GMDS: variants seen among roughly 807,000 people sequenced by gnomAD.
GMDS encodes the protein GDP-mannose 4,6-dehydratase.
In GMDS, 20 loss-of-function variants were observed where a neutral mutation model predicts 49.9. The observed-to-expected ratio is 0.40, with a 90% CI of 0.28 to 0.58. The LOEUF (loss-of-function observed/expected upper bound fraction) is 0.58, where lower values mean the gene tolerates loss of function less well. Ranked by LOEUF, GMDS falls within the 20% of genes least tolerant of loss-of-function variation. The pLI is 0.42. For missense variants in GMDS, 362 were observed against 481.4 expected (o/e 0.75, Z 2.32); for synonymous variants, 177 against 178.6 (o/e 0.99, Z 0.07).
chr6:1,785,384 A>C (rs555833518), intron 7 of GMDS, among the ~76,000 whole-genome samples: 5 of 152,338 alleles, frequency 3.3e-5, no homozygotes, highest in African/African-American at 1.2e-4. Flanking sequence ...TAAGACCACC[A>C]TTTCCTATGG....
intron 7 of GMDS, among the ~76,000 whole-genome samples, chr6:1,828,293 A>C (rs1771210263): frequency 6.6e-6 from 1 of 152,152 alleles, no homozygotes; most frequent in African/African-American, 2.4e-5. Context: ...GCGCCTAAGG[A>C]ACTCAAGGGA....
intron 4 of GMDS, among the ~76,000 whole-genome samples, chr6:2,074,179 G>A (rs1328044457): frequency 6.6e-6 from 1 of 152,114 alleles, no homozygotes; most frequent in Non-Finnish European, 1.5e-5. Context: ...GCCAACATCT[G>A]CTATTTTTTG....
At chr6:1,762,847 A>C (rs1346412258) in intron 7 of GMDS, among the ~76,000 whole-genome samples, 1 of 152,214 alleles carries the variant, frequency 6.6e-6, no homozygotes, top group Non-Finnish European at 1.5e-5. Context: ...TAAATGTGTT[A>C]CCCTAATTTC....
At chr6:2,178,633 C>CT (rs909923583) in intron 1 of GMDS, among the ~76,000 whole-genome samples, 6 of 152,132 alleles carry the variant, frequency 3.9e-5, no homozygotes, top group African/African-American at 1.4e-4. Context: ...TGCTCACTAC[C>CT]TGAGTGACAG....
intron 7 of GMDS, among the ~76,000 whole-genome samples, chr6:1,759,088 A>C (rs1768064528): frequency 6.6e-6 from 1 of 152,054 alleles, no homozygotes; most frequent in African/African-American, 2.4e-5. Flanking sequence ...ACGCCCGGCT[A>C]ATTTTTTCAT....
chr6:2,060,471 T>C (rs1771081222), intron 4 of GMDS, among the ~76,000 whole-genome samples: 1 of 152,198 alleles, frequency 6.6e-6, no homozygotes, highest in Non-Finnish European at 1.5e-5. Flanking sequence ...TCATGATGAC[T>C]GGGCACCTAC....
intron 8 of GMDS, among the ~76,000 whole-genome samples, chr6:1,736,006 A>T (rs1182815924): frequency 6.6e-6 from 1 of 152,182 alleles, no homozygotes; most frequent in Non-Finnish European, 1.5e-5. Flanking sequence ...CCAGCTGTTT[A>T]GGTACTTATG....
chr6:2,203,188 C>T (rs1308041125), intron 1 of GMDS, among the ~76,000 whole-genome samples: 1 of 151,946 alleles, frequency 6.6e-6, no homozygotes, highest in African/African-American at 2.4e-5. Flanking sequence ...TACTTTAGGC[C>T]ACTGGGGGGT....
intron 7 of GMDS, among the ~76,000 whole-genome samples, chr6:1,905,640 G>GAGC (rs1409300700): frequency 1.5e-3 from 114 of 76,532 alleles, no homozygotes; most frequent in African/African-American, 2.3e-3. Context: ...TCTGCATGTG[G>GAGC]GGCCAGCACA....
intron 1 of GMDS, among the ~76,000 whole-genome samples, chr6:2,231,752 C>T (rs1051253531): frequency 6.6e-6 from 1 of 152,174 alleles, no homozygotes; most frequent in African/African-American, 2.4e-5. Flanking sequence ...TGGTTTCCAA[C>T]ATTCAGTTCC....
chr6:1,916,495 G>C (rs1228970438), intron 7 of GMDS, among the ~76,000 whole-genome samples: 5 of 151,848 alleles, frequency 3.3e-5, no homozygotes, highest in Admixed American at 3.3e-4. Context: ...AGGGAAGAGG[G>C]AAAAAGAGAG....
At chr6:1,907,146 C>T (rs191102569) in intron 7 of GMDS, among the ~76,000 whole-genome samples, 62 of 152,328 alleles carry the variant, frequency 4.1e-4, no homozygotes, top group African/African-American at 1.3e-3. Context: ...TGTAATCTCT[C>T]TACCCATTTG....
intron 4 of GMDS, among the ~76,000 whole-genome samples, chr6:2,104,085 G>A (rs180872652): frequency 6.6e-4 from 100 of 152,324 alleles, no homozygotes; most frequent in Admixed American, 1.6e-3. Flanking sequence ...ACTCCACAGT[G>A]CCCGCAGGCA....
At chr6:1,803,460 C>A (rs889104323) in intron 7 of GMDS, among the ~76,000 whole-genome samples, 4 of 152,048 alleles carry the variant, frequency 2.6e-5, no homozygotes, top group African/African-American at 9.7e-5. Context: ...TTTCAGCGAG[C>A]AGCCCTTGAG....
chr6:2,168,272 T>A (rs1488794867), intron 1 of GMDS, among the ~76,000 whole-genome samples: 1 of 152,142 alleles, frequency 6.6e-6, no homozygotes, highest in East Asian at 1.9e-4. Context: ...CAGGGAAGGG[T>A]GAGCGTGAAG....
intron 9 of GMDS, among the ~76,000 whole-genome samples, chr6:1,723,269 A>G (rs1238576411): frequency 6.7e-6 from 1 of 150,110 alleles, no homozygotes; most frequent in Non-Finnish European, 1.5e-5. Flanking sequence ...TTGCTGTAGG[A>G]TATCAGTGTT....
intron 1 of GMDS, among the ~76,000 whole-genome samples, chr6:2,234,506 G>A (rs907922704): frequency 3.3e-5 from 5 of 152,120 alleles, no homozygotes; most frequent in South Asian, 2.1e-4. Flanking sequence ...CTACTCAGGA[G>A]GCTGAAGCAG....
At chr6:1,882,525 AATC>A (rs1488978096) in intron 7 of GMDS, among the ~76,000 whole-genome samples, 1 of 152,240 alleles carries the variant, frequency 6.6e-6, no homozygotes, top group East Asian at 1.9e-4. Context: ...CAATTAGAAT[AATC>A]ATGACACAGA....
At chr6:1,675,735 C>A (rs1318900823) in intron 9 of GMDS, among the ~76,000 whole-genome samples, 1 of 152,042 alleles carries the variant, frequency 6.6e-6, no homozygotes. Context: ...TGCCTGTAGT[C>A]CCAGCTACTC....
Sources: gnomAD v4.1 joint callset for allele counts (sites outside exome capture counted in the v4.1 genomes callset) on GRCh38, gnomAD v4.1.1 for gene constraint, MANE v1.5 for transcripts, NCBI Gene and HGNC (gene_info 2026-07-23, HGNC 2026-07-21) for gene names.